Variants in PAK1 observed in about 807,000 individuals in gnomAD.
PAK1 encodes serine/threonine-protein kinase PAK 1.
A neutral mutation model predicts 67.4 loss-of-function variants in PAK1; 29 were observed. The observed-to-expected ratio is 0.43, with a 90% CI of 0.32 to 0.59. The LOEUF (loss-of-function observed/expected upper bound fraction) is 0.59, where lower values mean the gene tolerates loss of function less well. Ranked by LOEUF, PAK1 falls within the 20% of genes least tolerant of loss-of-function variation. The probability of loss-of-function intolerance (pLI) is 0.07; values close to 1 mark genes in which losing one functional copy is unlikely to be tolerated. For synonymous variants in PAK1, 223 were observed against 237.4 expected (o/e 0.94, Z 0.56); for missense variants, 337 against 670.7 (o/e 0.50, Z 5.50).
chr11:77,487,854 A>C, the PAK1 span, among the ~76,000 whole-genome samples: 1 of 152,116 alleles, frequency 6.6e-6, no homozygotes, highest in Admixed American at 6.6e-5. Flanking sequence ...GAGTCAGGGG[A>C]ACTCACTGCC....
chr11:77,402,679 T>C (rs944120046), intron 1 of PAK1, among the ~76,000 whole-genome samples: 2 of 152,154 alleles, frequency 1.3e-5, no homozygotes, highest in African/African-American at 4.8e-5. Context: ...TCTATCGTAC[T>C]GTCTCCTAGT....
intron 1 of PAK1, among the ~76,000 whole-genome samples, chr11:77,468,289 A>AG (rs1957691711): frequency 1.3e-5 from 2 of 152,218 alleles, no homozygotes; most frequent in Non-Finnish European, 2.9e-5. Context: ...TTCTACAGTC[A>AG]ATCAATACCA....
At chr11:77,420,368 T>A in intron 1 of PAK1, among the ~76,000 whole-genome samples, 1 of 152,208 alleles carries the variant, frequency 6.6e-6, no homozygotes, top group African/African-American at 2.4e-5. Context: ...GATGCAAAGA[T>A]GACATGACCT....
intron 14 of PAK1, among the ~76,000 whole-genome samples, chr11:77,331,248 C>G (rs1941437882): frequency 6.6e-6 from 1 of 152,164 alleles, no homozygotes; most frequent in Non-Finnish European, 1.5e-5. Context: ...GGATCTAGAA[C>G]TAGAAATACC....
chr11:77,392,603 G>A, intron 1 of PAK1, 62 bp from the exon 2 acceptor site: 1 of 1,361,384 alleles, frequency 7.3e-7, no homozygotes, highest in African/African-American at 1.5e-5. Flanking sequence ...GGAAATACAT[G>A]TTAAAAAATT....
At chr11:77,426,205 T>A (rs1565694207) in intron 1 of PAK1, among the ~76,000 whole-genome samples, 1 of 151,160 alleles carries the variant, frequency 6.6e-6, no homozygotes. Context: ...TCTCTGAGTA[T>A]CAATTTCCTT....
intron 1 of PAK1, among the ~76,000 whole-genome samples, chr11:77,394,132 CATTA>C (rs1565659918): frequency 1.3e-5 from 2 of 152,162 alleles, no homozygotes; most frequent in Non-Finnish European, 2.9e-5. Context: ...AAATATTGCT[CATTA>C]GTCTTCCATG....
chr11:77,353,487 C>A, intron 8 of PAK1, 49 bp downstream of exon 8: 1 of 1,349,696 alleles, frequency 7.4e-7, no homozygotes, highest in Non-Finnish European at 1.1e-6. Context: ...TATGCCGGCA[C>A]ACACACTTTA....
At chr11:77,422,657 A>G (rs1350531426) in intron 1 of PAK1, among the ~76,000 whole-genome samples, 1 of 152,112 alleles carries the variant, frequency 6.6e-6, no homozygotes, top group East Asian at 1.9e-4. Context: ...AATTTTATCC[A>G]GGAAAGTAAT....
chr11:77,462,176 A>C (rs932683949), intron 1 of PAK1, among the ~76,000 whole-genome samples: 2 of 152,000 alleles, frequency 1.3e-5, no homozygotes, highest in Admixed American at 6.6e-5. Context: ...AATACAAAAA[A>C]AAAAATTAGC....
intron 5 of PAK1, among the ~76,000 whole-genome samples, chr11:77,365,550 T>C (rs1947432747): frequency 6.6e-6 from 1 of 151,964 alleles, no homozygotes; most frequent in South Asian, 2.1e-4. Flanking sequence ...GATTCACACC[T>C]GGCTGGGAGC....
At chr11:77,495,085 C>A in the PAK1 span, among the ~76,000 whole-genome samples, 1 of 151,786 alleles carries the variant, frequency 6.6e-6, no homozygotes, top group Admixed American at 6.6e-5. Flanking sequence ...TCACTTGAAC[C>A]TGGGAGGTGG....
At chr11:77,491,080 AC>A in the PAK1 span, among the ~76,000 whole-genome samples, 1 of 151,092 alleles carries the variant, frequency 6.6e-6, no homozygotes, top group Non-Finnish European at 1.5e-5. Flanking sequence ...TTGTCCTATG[AC>A]CCTGCCAAAT....
intron 1 of PAK1, among the ~76,000 whole-genome samples, chr11:77,442,626 G>A (rs1193483516): frequency 6.6e-6 from 1 of 152,164 alleles, no homozygotes; most frequent in Non-Finnish European, 1.5e-5. Flanking sequence ...AGACAGTGAA[G>A]CAGAACCACC....
chr11:77,412,854 C>T (rs184124454), intron 1 of PAK1, among the ~76,000 whole-genome samples: 12 of 152,308 alleles, frequency 7.9e-5, no homozygotes, highest in African/African-American at 2.2e-4. Context: ...GGGAAAATGT[C>T]CAGGGCTCAT....
At chr11:77,387,505 T>C (rs1950603012) in intron 2 of PAK1, among the ~76,000 whole-genome samples, 1 of 152,238 alleles carries the variant, frequency 6.6e-6, no homozygotes, top group Non-Finnish European at 1.5e-5. Context: ...TCTCCCACTT[T>C]CCACTTGTGA....
At position 77,322,965 on chromosome 11, in the gene PAK1, G is replaced by GT. The variant is rs1275796246; in HGVS notation, c.*308dup. On this transcript the variant is annotated 3_prime_UTR_variant, in exon 15 of 15. Coordinates refer to ENST00000356341, the MANE Select transcript of PAK1 (RefSeq NM_002576.5). ...ATTGTGGGAGATGGTTATGAAGGAG[G>GT]TGAGGATTTTGACACACGGAAGACT... 1 of 595,680 alleles carries GT rather than the reference G, an allele frequency of 1.7e-6. No individual in the cohort carries two copies. Among genetic ancestry groups the GT allele is most frequent in the Non-Finnish European group, 3.0e-6 (1 of 336,194 alleles). The allele number at this position is 595,680 out of a possible 1,614,324, so 36.9% of individuals were successfully genotyped here. A position where few individuals can be genotyped will look rare whatever the true frequency, so the allele number is the denominator to read the frequency against.
chr11:77,402,723 T>A (rs533148528), intron 1 of PAK1, among the ~76,000 whole-genome samples: 7 of 142,780 alleles, frequency 4.9e-5, no homozygotes, highest in African/African-American at 2.0e-4. Context: ...TGCCTGAACA[T>A]GTCCTGATTT....
chr11:77,338,592 G>A (rs1326551244), intron 11 of PAK1, among the ~76,000 whole-genome samples: 1 of 152,136 alleles, frequency 6.6e-6, no homozygotes, highest in Non-Finnish European at 1.5e-5. Flanking sequence ...CATATGACCA[G>A]CAATCCACCT....
Sources: gnomAD v4.1 joint callset for allele counts (sites outside exome capture counted in the v4.1 genomes callset) on GRCh38, gnomAD v4.1.1 for gene constraint, MANE v1.5 for transcripts, NCBI Gene and HGNC (gene_info 2026-07-23, HGNC 2026-07-21) for gene names.